SLC25A37: variants seen among roughly 807,000 people sequenced by gnomAD.
SLC25A37 encodes the protein solute carrier family 25 member 37.
Under a neutral mutation model 31.0 loss-of-function variants are expected in SLC25A37, and 17 were observed. That is an observed-to-expected ratio of 0.55 (90% CI 0.38 to 0.82). The LOEUF (loss-of-function observed/expected upper bound fraction) is 0.82, where lower values mean the gene tolerates loss of function less well. Ranked by LOEUF, SLC25A37 falls within the 40% of genes least tolerant of loss-of-function variation. The pLI, the probability that SLC25A37 is intolerant of heterozygous loss-of-function variation, is 0.00. For synonymous variants in SLC25A37, 222 were observed against 193.0 expected, an observed-to-expected ratio of 1.15 and a Z score of -1.24; for missense variants, 404 against 465.8, an observed-to-expected ratio of 0.87 and a Z score of 1.22.
chr8:23,546,832 A>G (rs1802081124), intron 1 of SLC25A37, among the ~76,000 whole-genome samples: 2 of 151,424 alleles, frequency 1.3e-5, no homozygotes, highest in Admixed American at 6.6e-5. Context: ...TTTTTTTTCA[A>G]ATTTTGGAAG....
At chr8:23,563,532 C>CT (rs1274315200) in intron 1 of SLC25A37, among the ~76,000 whole-genome samples, 2 of 152,296 alleles carry the variant, frequency 1.3e-5, no homozygotes, top group East Asian at 3.9e-4. Context: ...TTTGAAAAGA[C>CT]TTAAAATTGA....
chr8:23,569,057 A>T, intron 3 of SLC25A37: 1 of 152,846 alleles, frequency 6.5e-6, no homozygotes, highest in Non-Finnish European at 1.5e-5. Flanking sequence ...TGAACCCAGG[A>T]GTTCAAGACC....
chr8:23,539,786 T>C (rs1801852976), intron 1 of SLC25A37, among the ~76,000 whole-genome samples: 1 of 152,246 alleles, frequency 6.6e-6, no homozygotes, highest in African/African-American at 2.4e-5. Context: ...TCAGAGGCAA[T>C]GTGCTTGATT....
intron 1 of SLC25A37, among the ~76,000 whole-genome samples, chr8:23,535,008 T>C (rs1801737404): frequency 6.6e-6 from 1 of 152,166 alleles, no homozygotes; most frequent in South Asian, 2.1e-4. Flanking sequence ...CTCCATTCCT[T>C]ACACCTCTGA....
chr8:23,535,188 G>A (rs1801740704), intron 1 of SLC25A37, among the ~76,000 whole-genome samples: 2 of 152,244 alleles, frequency 1.3e-5, no homozygotes, highest in South Asian at 2.1e-4. Context: ...CTGGGTCCTG[G>A]ACAGCCCATC....
At chr8:23,554,408 C>T (rs1802310997) in intron 1 of SLC25A37, among the ~76,000 whole-genome samples, 2 of 152,186 alleles carry the variant, frequency 1.3e-5, no homozygotes, top group African/African-American at 4.8e-5. Flanking sequence ...GTTCCCTCTC[C>T]AGTCCAGGGT....
chr8:23,553,592 G>A (rs184665075), intron 1 of SLC25A37, among the ~76,000 whole-genome samples: 1 of 152,318 alleles, frequency 6.6e-6, no homozygotes, highest in East Asian at 1.9e-4. Context: ...GTTCTCTCTT[G>A]AAAGCACCGT....
rs1802953849 is a variant in SLC25A37 at position 23,575,312 on chromosome 8, A to G, written c.*3457A>G. On this transcript the variant is annotated 3_prime_UTR_variant, in exon 4 of 4. Transcript: ENST00000519973. Reference sequence around the variant, plus strand: ...CAAGTGTTATTTCTTAAATTTCTCAAATGCCTGTAGTAACTATTGTTTCTG... The same window carrying G: ...CAAGTGTTATTTCTTAAATTTCTCAGATGCCTGTAGTAACTATTGTTTCTG... The G allele has an allele frequency of 6.6e-6, 1 of 152,144 alleles. No individual in the cohort carries two copies. The highest frequency in any genetic ancestry group is 1.5e-5 in the Non-Finnish European group (1 of 68,036). The allele number at this position is 152,144 out of a possible 1,614,324, so 9.4% of individuals were successfully genotyped here.
chr8:23,547,663 C>T (rs1802103681), intron 1 of SLC25A37, among the ~76,000 whole-genome samples: 2 of 152,164 alleles, frequency 1.3e-5, no homozygotes, highest in African/African-American at 4.8e-5. Flanking sequence ...TGGAATTTTG[C>T]AGAGGGGCTG....
Position 23,566,268 on chromosome 8 carries a change from G to A in SLC25A37, c.371G>A (p.Cys124Tyr), listed in dbSNP as rs1303389182. 1.3e-6 allele frequency: 2 copies of A among 1,598,834 alleles called. No homozygotes were observed. Among genetic ancestry groups the A allele is most frequent in the Non-Finnish European group, 1.7e-6 (2 of 1,175,042 alleles). The change falls in exon 2 of 4, where the codon TGC (cysteine) becomes TAC (tyrosine). Residue 124 changes from cysteine to tyrosine, a missense_variant. Coordinates refer to ENST00000519973, the MANE Select transcript of SLC25A37 (RefSeq NM_016612.4). ...CCGGCCCATGCCATGTATTTTGCCT[G>A]CTATGAAAACATGAAAAGGACTTTA... Reference protein sequence around the residue: ...AGPAHAMYFACYENMKRTLND... With the variant: ...AGPAHAMYFAYYENMKRTLND...
At chr8:23,558,873 G>C (rs1424549107) in intron 1 of SLC25A37, among the ~76,000 whole-genome samples, 4 of 152,120 alleles carry the variant, frequency 2.6e-5, no homozygotes, top group African/African-American at 4.8e-5. Flanking sequence ...GCTCCTCTCA[G>C]CTGCTTATTT....
intron 1 of SLC25A37, among the ~76,000 whole-genome samples, chr8:23,535,511 TGTATACAAACCACC>T (rs1801748407): frequency 6.6e-6 from 1 of 152,190 alleles, no homozygotes; most frequent in Admixed American, 6.5e-5. Context: ...AGAAGGGAGA[TGTATACAAACCACC>T]TTGACACCAG....
At chr8:23,571,263 C>T (rs917961377) in intron 3 of SLC25A37, 72 bp from the exon 4 acceptor site, 2 of 1,452,206 alleles carry the variant, frequency 1.4e-6, no homozygotes, top group Non-Finnish European at 1.8e-6. Flanking sequence ...TCATTCCGAC[C>T]TGGGGTGGGG....
rs1010524966 is a variant in SLC25A37 at position 23,529,734 on chromosome 8, G to C, written c.210+522G>C. On this transcript the variant is annotated intron_variant, in intron 1 of 3. Transcript: ENST00000519973. The surrounding 1 kb of genome is among the most constrained non-coding windows in gnomAD (Gnocchi z 4.1). ...GCTGCTGCTCCCCGGGTTATTTCGGGAACTTGGGGCCGGCAAGTCTTCTCT... is the reference window on the plus strand; with the variant it reads ...GCTGCTGCTCCCCGGGTTATTTCGGCAACTTGGGGCCGGCAAGTCTTCTCT... Among the ~76,000 whole-genome samples the C allele has an allele frequency of 6.6e-6, 1 of 152,176 alleles. No homozygotes were observed. The highest frequency in any genetic ancestry group is 1.5e-5 in the Non-Finnish European group (1 of 68,034).
chr8:23,550,181 C>T (rs55815506), intron 1 of SLC25A37, among the ~76,000 whole-genome samples: 1 of 68,724 alleles, frequency 1.5e-5, no homozygotes, highest in African/African-American at 9.4e-5. Flanking sequence ...AATTCCGTTT[C>T]AAAAAAAAAA....
chr8:23,565,957 C>A, intron 1 of SLC25A37, 151 bp from the exon 2 acceptor site: 1 of 1,149,370 alleles, frequency 8.7e-7, no homozygotes, highest in African/African-American at 1.6e-5. Flanking sequence ...ATGTAGAATT[C>A]ATTTTGATTT....
intron 1 of SLC25A37, among the ~76,000 whole-genome samples, chr8:23,558,652 C>CA (rs1802429738): frequency 6.6e-6 from 1 of 152,212 alleles, no homozygotes; most frequent in Admixed American, 6.5e-5. Flanking sequence ...TTTGTGGAGA[C>CA]AGTGGATGCA....
intron 1 of SLC25A37, among the ~76,000 whole-genome samples, chr8:23,553,875 G>A (rs759603821): frequency 2.0e-5 from 3 of 152,176 alleles, no homozygotes; most frequent in Non-Finnish European, 2.9e-5. Flanking sequence ...GTCCTCAGGG[G>A]TTTTGTGGAC....
rs1009794198 is a variant in SLC25A37 at position 23,550,221 on chromosome 8, G to A, written c.211-15887G>A. On this transcript the variant is annotated intron_variant, in intron 1 of 3. Coordinates refer to ENST00000519973, the MANE Select transcript of SLC25A37 (RefSeq NM_016612.4). ...AAAAAACACAAAAAAACAAAAACCC[G>A]CTTTGTTACCTGCCTGTGGGTGGAA... Among the ~76,000 whole-genome samples, 6 of 132,096 alleles carry A rather than the reference G, an allele frequency of 4.5e-5. 1 individual carries two copies. Among genetic ancestry groups the A allele is most frequent in the Non-Finnish European group, 6.1e-5 (4 of 65,988 alleles). The allele number at this position is 132,096 out of a possible 152,430, so 86.7% of individuals were successfully genotyped here. A position where few individuals can be genotyped will look rare whatever the true frequency, so the allele number is the denominator to read the frequency against.
Sources: gnomAD v4.1 joint callset for allele counts (sites outside exome capture counted in the v4.1 genomes callset) on GRCh38, gnomAD v4.1.1 for gene constraint, Gnocchi (gnomAD v3.1) non-coding constraint, MANE v1.5 for transcripts, NCBI Gene and HGNC (gene_info 2026-07-23, HGNC 2026-07-21) for gene names.